Variants in PAN3 observed in about 807,000 individuals in gnomAD.
PAN3 encodes PAN2-PAN3 deadenylation complex subunit PAN3.
PAN3 carries 19 observed loss-of-function variants against 96.2 expected under a neutral mutation model. That is an observed-to-expected ratio of 0.20 (90% confidence interval 0.14 to 0.29). PAN3 has a LOEUF of 0.29. PAN3 is among the 10% of genes least tolerant of loss of function. PAN3 has a pLI of 1.00. For missense variants in PAN3, 882 were observed against 1,108.1 expected (o/e 0.80, Z 2.90); for synonymous variants, 433 against 406.6 (o/e 1.06, Z -0.78).
intron 17 of PAN3, among the ~76,000 whole-genome samples, chr13:28,287,314 G>T (rs1869110426): frequency 6.6e-6 from 1 of 152,104 alleles, no homozygotes. Flanking sequence ...ATCACAGTTT[G>T]ATCTGGGAAG....
At position 28,260,616 on chromosome 13, in the gene PAN3, G is replaced by T. The variant is rs2138616668; in HGVS notation, c.1353+65G>T. ...CCTGTGCTTTAGTGAACAGGGGAAA[G>T]AACAGAGCTCTTTTCAAATCATATT... On this transcript the variant is annotated intron_variant, in intron 8 of 18. Coordinates refer to ENST00000380958, the MANE Select transcript of PAN3 (RefSeq NM_175854.8). 5 of 1,264,044 alleles carry T rather than the reference G, an allele frequency of 4.0e-6. No homozygotes were observed. In the South Asian group the frequency reaches 6.1e-5, roughly 15 times the overall value. 78.3% of individuals were successfully genotyped at this position (1,264,044 alleles called of 1,614,324 possible).
intron 1 of PAN3, among the ~76,000 whole-genome samples, chr13:28,164,698 C>A (rs180932335): frequency 6.6e-6 from 1 of 152,260 alleles, no homozygotes; most frequent in East Asian, 1.9e-4. Flanking sequence ...TACTCATTTT[C>A]CCCCAGAATT....
chr13:28,208,436 T>G (rs1879625431), intron 5 of PAN3, among the ~76,000 whole-genome samples: 1 of 152,190 alleles, frequency 6.6e-6, no homozygotes, highest in Non-Finnish European at 1.5e-5. Flanking sequence ...TTACTGTTAT[T>G]GGAGCACTTT....
intron 4 of PAN3, among the ~76,000 whole-genome samples, chr13:28,193,091 A>T (rs904759880): frequency 6.6e-6 from 1 of 152,218 alleles, no homozygotes; most frequent in Non-Finnish European, 1.5e-5. Context: ...CTTTAAAAAA[A>T]TGGCAAAATA....
In PAN3 at chr13:28,156,992, C is replaced by CAAA. The variant is rs35448291; in HGVS notation, c.431-17255_431-17253dup. 4.3e-3 allele frequency among the ~76,000 whole-genome samples: 80 copies of CAAA among 18,436 alleles called. 5 individuals are homozygous for CAAA. The highest frequency in any genetic ancestry group is 5.9e-3 in the Non-Finnish European group (53 of 8,986). 12.1% of individuals were successfully genotyped at this position (18,436 alleles called of 152,430 possible). On this transcript the variant is annotated intron_variant, in intron 1 of 18. Transcript: ENST00000380958. ...CCTGGGCAACAGAGTGAGACCCTGT[C>CAAA]AAAAAAAAAAAAAAAAAAAAAAAAA...
intron 18 of PAN3, among the ~76,000 whole-genome samples, chr13:28,291,512 G>A (rs1227068640): frequency 1.3e-5 from 2 of 152,146 alleles, no homozygotes. Flanking sequence ...CATTTGCTGT[G>A]GGGTTGCTGG....
chr13:28,175,313 T>C (rs371191687), intron 2 of PAN3, among the ~76,000 whole-genome samples: 4 of 152,324 alleles, frequency 2.6e-5, no homozygotes, highest in African/African-American at 9.6e-5. Flanking sequence ...GGCGCAATCA[T>C]GGCCCACTGC....
intron 9 of PAN3, 38 bp from the exon 10 acceptor site, chr13:28,266,676 GC>G: frequency 7.0e-7 from 1 of 1,432,534 alleles, no homozygotes; most frequent in South Asian, 1.5e-5. Context: ...ATTTATGAAT[GC>G]CTGTATTTTC....
intron 4 of PAN3, among the ~76,000 whole-genome samples, chr13:28,189,833 C>A (rs758449916): frequency 1.4e-4 from 21 of 152,280 alleles, no homozygotes; most frequent in African/African-American, 4.3e-4. Context: ...TTAGCAAGAT[C>A]CCTGGAAGAT....
Position 28,223,770 on chromosome 13 carries a change from G to A in PAN3, c.1000+3392G>A, listed in dbSNP as rs34863012. Among the ~76,000 whole-genome samples the A allele has an allele frequency of 5.3e-5, 8 of 151,774 alleles. No homozygotes were observed. The South Asian group carries it at 1.7e-3, about 32-fold the overall frequency. Reference sequence around the variant, plus strand: ...ACATTTTTCTAGTAGCTCTGGCTTAGGCAGAGGGTTTTTTTGACTAGATCT... The same window carrying A: ...ACATTTTTCTAGTAGCTCTGGCTTAAGCAGAGGGTTTTTTTGACTAGATCT... On this transcript the variant is annotated intron_variant, in intron 6 of 18. Coordinates refer to ENST00000380958, the MANE Select transcript of PAN3 (RefSeq NM_175854.8).
At chr13:28,274,930 G>A (rs1431808217) in intron 14 of PAN3, among the ~76,000 whole-genome samples, 1 of 152,110 alleles carries the variant, frequency 6.6e-6, no homozygotes, top group African/African-American at 2.4e-5. Context: ...TTTCAGACAC[G>A]TGAATAGAGA....
chr13:28,146,367 G>A (rs1593353477), intron 1 of PAN3, among the ~76,000 whole-genome samples: 1 of 151,224 alleles, frequency 6.6e-6, no homozygotes, highest in African/African-American at 2.4e-5. Context: ...TATAGGCTGG[G>A]TAGTTAACTT....
chr13:28,183,003 T>G (rs1875996485), intron 4 of PAN3, among the ~76,000 whole-genome samples: 1 of 152,174 alleles, frequency 6.6e-6, no homozygotes, highest in African/African-American at 2.4e-5. Context: ...TAACAAAGAC[T>G]AGAGCATATT....
At chr13:28,198,117 C>G (rs559583761) in intron 5 of PAN3, among the ~76,000 whole-genome samples, 74 of 151,880 alleles carry the variant, frequency 4.9e-4, no homozygotes, top group African/African-American at 1.7e-3. Context: ...TACAAATATA[C>G]AGAAAAGAAA....
At chr13:28,194,681 T>A (rs997782476) in intron 4 of PAN3, among the ~76,000 whole-genome samples, 12 of 151,734 alleles carry the variant, frequency 7.9e-5, no homozygotes, top group African/African-American at 2.4e-4. Flanking sequence ...TGTTGCTCAG[T>A]CTGGTCTTGA....
At chr13:28,170,295 G>C (rs1178412956) in intron 1 of PAN3, among the ~76,000 whole-genome samples, 1 of 152,020 alleles carries the variant, frequency 6.6e-6, no homozygotes, top group Non-Finnish European at 1.5e-5. Context: ...TTAATGATAA[G>C]GTGTTATTAA....
intron 4 of PAN3, among the ~76,000 whole-genome samples, chr13:28,194,078 A>G (rs1167453306): frequency 6.6e-6 from 1 of 151,388 alleles, no homozygotes; most frequent in Admixed American, 6.6e-5. Context: ...AATCACCTGA[A>G]CTAGGGAGGC....
Position 28,139,104 on chromosome 13 carries a change from C to G in PAN3, c.430+17C>G, listed in dbSNP as rs542535719. ...GGCTGGCAAGTGAGTGTTTTTCGGG[C>G]GGGGCGGGCCGCGGCGGCGGAGGGC... is the stretch of plus-strand genomic sequence containing the variant. On this transcript the variant is annotated intron_variant, in intron 1 of 18. Transcript: ENST00000380958. 7.9e-7 allele frequency: 1 copy of G among 1,268,488 alleles called. No homozygotes were observed. The highest frequency in any genetic ancestry group is 9.9e-7 in the Non-Finnish European group (1 of 1,008,184). The allele number at this position is 1,268,488 out of a possible 1,614,324, so 78.6% of individuals were successfully genotyped here.
intron 1 of PAN3, 86 bp downstream of exon 1, chr13:28,139,173 A>C (rs2137886383): frequency 8.2e-7 from 1 of 1,224,760 alleles, no homozygotes; most frequent in Non-Finnish European, 1.0e-6. Flanking sequence ...GGAGCTGAGC[A>C]CGGCCCGCGG....
Sources: gnomAD v4.1 joint callset for allele counts (sites outside exome capture counted in the v4.1 genomes callset) on GRCh38, gnomAD v4.1.1 for gene constraint, MANE v1.5 for transcripts, NCBI Gene and HGNC (gene_info 2026-07-23, HGNC 2026-07-21) for gene names.